GLI3: variants seen among roughly 807,000 people sequenced by gnomAD.
GLI3 encodes transcription activator GLI3.
A neutral mutation model predicts 100.8 loss-of-function variants in GLI3; 20 were observed. That is an observed-to-expected ratio of 0.20 (90% CI 0.14 to 0.29). The LOEUF (loss-of-function observed/expected upper bound fraction) is 0.29, where lower values mean the gene tolerates loss of function less well. Among genes scored for constraint, GLI3 ranks in the 10% least tolerant of loss-of-function variants. The pLI is 1.00. For missense variants in GLI3, 2,040 were observed against 2,128.5 expected, an observed-to-expected ratio of 0.96 and a Z score of 0.82; for synonymous variants, 938 against 860.5, an observed-to-expected ratio of 1.09 and a Z score of -1.58.
At chr7:42,124,656 G>A (rs185657770) in intron 3 of GLI3, among the ~76,000 whole-genome samples, 5 of 152,286 alleles carry the variant, frequency 3.3e-5, no homozygotes, top group Non-Finnish European at 5.9e-5. Context: ...CAAAGTTCCC[G>A]ACTTGCTTGC....
chr7:42,027,378 A>G (rs558360117), intron 7 of GLI3, among the ~76,000 whole-genome samples: 58 of 152,290 alleles, frequency 3.8e-4, no homozygotes, highest in African/African-American at 1.3e-3. Context: ...AAATATTTAT[A>G]TATATATATG....
chr7:42,082,053 T>C (rs946099477), intron 3 of GLI3, among the ~76,000 whole-genome samples: 3 of 151,948 alleles, frequency 2.0e-5, no homozygotes, highest in Non-Finnish European at 2.9e-5. Context: ...CATTCAATCA[T>C]CTGCCATCAG....
At chr7:42,013,666 T>C (rs973960765) in intron 10 of GLI3, among the ~76,000 whole-genome samples, 6 of 152,142 alleles carry the variant, frequency 3.9e-5, no homozygotes, top group African/African-American at 1.4e-4. Context: ...TGCCACTCGC[T>C]TGGCCTGGCA....
Position 42,196,252 on chromosome 7 carries a change from T to C in GLI3, c.124+26878A>G, listed in dbSNP as rs142391221. ...ATGCAGGTACATCGTAAATCTCTTT[T>C]AGCAGAAAGTGGTAAGGAAACATAG... On this transcript the variant is annotated intron_variant, in intron 2 of 14. Transcript: ENST00000395925. 6.5e-3 allele frequency among the ~76,000 whole-genome samples: 989 copies of C among 152,332 alleles called. 13 individuals carry two copies. The highest frequency in any genetic ancestry group is 0.023 in the African/African-American group (943 of 41,558).
chr7:42,089,817 G>A (rs1785179637), intron 3 of GLI3, among the ~76,000 whole-genome samples: 1 of 152,234 alleles, frequency 6.6e-6, no homozygotes, highest in African/African-American at 2.4e-5. Context: ...CAAGGCCCCA[G>A]GTGACATAAG....
intron 1 of GLI3, among the ~76,000 whole-genome samples, chr7:42,258,663 C>A (rs1789110398): frequency 6.6e-6 from 1 of 152,198 alleles, no homozygotes; most frequent in Non-Finnish European, 1.5e-5. Flanking sequence ...CAAGGTGCCA[C>A]AATGACTTCT....
At position 42,141,161 on chromosome 7, in the gene GLI3, G is replaced by T. The variant is rs182389386; in HGVS notation, c.367+7065C>A. On this transcript the variant is annotated intron_variant, in intron 3 of 14. Coordinates refer to ENST00000395925, the MANE Select transcript of GLI3 (RefSeq NM_000168.6). ...GGAAGATGTTACCAAAATATGAATT[G>T]CCTAGAGGCTGTTGAAGACAAGATA... 2.5e-4 allele frequency among the ~76,000 whole-genome samples: 38 copies of T among 152,300 alleles called. No individual in the cohort carries two copies. In the East Asian group the frequency reaches 6.6e-3, roughly 26 times the overall value.
intron 10 of GLI3, among the ~76,000 whole-genome samples, chr7:41,984,416 C>T (rs1294265212): frequency 6.6e-6 from 1 of 152,120 alleles, no homozygotes; most frequent in African/African-American, 2.4e-5. Context: ...TCCTCTCCAC[C>T]AATTCCCACT....
chr7:42,022,475 A>G (rs1201122125), intron 10 of GLI3, among the ~76,000 whole-genome samples: 1 of 152,204 alleles, frequency 6.6e-6, no homozygotes, highest in Admixed American at 6.5e-5. Flanking sequence ...ACCACGAAAG[A>G]GAAAGTGGAG....
rs751476096 is a variant in GLI3 at position 42,088,742 on chromosome 7, G to A, written c.368-11885C>T. 4.4e-3 allele frequency among the ~76,000 whole-genome samples: 669 copies of A among 152,324 alleles called. 6 individuals carry two copies. The highest frequency in any genetic ancestry group is 7.9e-3 in the Non-Finnish European group (540 of 68,020). On this transcript the variant is annotated intron_variant, in intron 3 of 14. Coordinates refer to ENST00000395925, the MANE Select transcript of GLI3 (RefSeq NM_000168.6). ...AGGACTGGGGAGGATGATAGGCTTG[G>A]GGGTGTCAACAAACCTATTCAGCTG...
At chr7:42,045,097 G>C (rs1029893926) in intron 6 of GLI3, among the ~76,000 whole-genome samples, 1 of 152,154 alleles carries the variant, frequency 6.6e-6, no homozygotes, top group Non-Finnish European at 1.5e-5. Context: ...TGTCACCTGG[G>C]CTGGGATTTT....
chr7:42,089,234 G>A (rs1378297012), intron 3 of GLI3, among the ~76,000 whole-genome samples: 1 of 152,176 alleles, frequency 6.6e-6, no homozygotes, highest in Non-Finnish European at 1.5e-5. Flanking sequence ...ACACAAAGAT[G>A]ACCCCAATCT....
chr7:42,057,881 C>G (rs1200951572), intron 4 of GLI3, among the ~76,000 whole-genome samples: 15 of 151,932 alleles, frequency 9.9e-5, no homozygotes. Flanking sequence ...TGAAAGGCAG[C>G]AGGGGGCGAG....
rs906417768 is a variant in GLI3, at chr7:42,150,846, T to C, written c.125-2378A>G. Among the ~76,000 whole-genome samples, 5 of 152,216 alleles carry C rather than the reference T, an allele frequency of 3.3e-5. No individual in the cohort carries two copies. In the South Asian group the frequency reaches 1.0e-3, roughly 32 times the overall value. On this transcript the variant is annotated intron_variant, in intron 2 of 14. Coordinates refer to ENST00000395925, the MANE Select transcript of GLI3 (RefSeq NM_000168.6). ...AAATAACTGAATAATGAATGGGTTATGGTCTGGCCAGAGACTCTTCCCACC... is the reference window on the plus strand; with the variant it reads ...AAATAACTGAATAATGAATGGGTTACGGTCTGGCCAGAGACTCTTCCCACC...
intron 2 of GLI3, chr7:42,151,567 C>G (rs1241457807): frequency 6.6e-6 from 1 of 152,182 alleles, no homozygotes; most frequent in Non-Finnish European, 1.5e-5. Context: ...AGCAAACAGC[C>G]CACTGCTCCA....
intron 10 of GLI3, among the ~76,000 whole-genome samples, chr7:41,995,734 A>G (rs749559860): frequency 2.6e-5 from 4 of 152,198 alleles, no homozygotes; most frequent in Non-Finnish European, 5.9e-5. Flanking sequence ...TGTACCCATT[A>G]AAATAAATGA....
chr7:42,196,629 T>C (rs1406979601), intron 2 of GLI3, among the ~76,000 whole-genome samples: 1 of 152,214 alleles, frequency 6.6e-6, no homozygotes, highest in Non-Finnish European at 1.5e-5. Flanking sequence ...TTATCTTAGT[T>C]CCACCTTATG....
intron 3 of GLI3, among the ~76,000 whole-genome samples, chr7:42,127,335 T>C (rs769151712): frequency 1.4e-4 from 22 of 152,202 alleles, no homozygotes; most frequent in Admixed American, 4.6e-4. Flanking sequence ...CAGAGATGCA[T>C]GATTTGAAAA....
chr7:42,106,198 C>T lies in GLI3; in HGVS notation c.368-29341G>A, dbSNP rs546002655. Among the ~76,000 whole-genome samples, 25 of 152,284 alleles carry T rather than the reference C, an allele frequency of 1.6e-4. No homozygotes were observed. In the East Asian group the frequency reaches 4.6e-3, roughly 28 times the overall value. On this transcript the variant is annotated intron_variant, in intron 3 of 14. Coordinates refer to ENST00000395925, the MANE Select transcript of GLI3 (RefSeq NM_000168.6). ...GTCCAACAGGCATCCTCATGCAGCCCGCAGTTTCCATGCTGCTCACTGTAA... is the reference window on the plus strand; with the variant it reads ...GTCCAACAGGCATCCTCATGCAGCCTGCAGTTTCCATGCTGCTCACTGTAA...
Sources: allele counts gnomAD v4.1 joint callset (sites outside exome capture counted in the v4.1 genomes callset), GRCh38; gene constraint gnomAD v4.1.1; transcripts MANE v1.5; gene names NCBI Gene and HGNC (gene_info 2026-07-23, HGNC 2026-07-21).